GALNT18: variants seen among roughly 807,000 people sequenced by gnomAD.
GALNT18 encodes the protein GalNAc-transferase 18.
A neutral mutation model predicts 69.5 loss-of-function variants in GALNT18; 44 were observed. The ratio of observed to expected loss-of-function variants is 0.63; its 90% confidence interval spans 0.50 to 0.81. The LOEUF is 0.81. Ranked by LOEUF, GALNT18 falls within the 40% of genes least tolerant of loss-of-function variation. The pLI, the probability that GALNT18 is intolerant of heterozygous loss-of-function variation, is 0.00. For missense variants in GALNT18, 715 were observed against 810.0 expected, an observed-to-expected ratio of 0.88 and a Z score of 1.42; for synonymous variants, 364 against 318.2, an observed-to-expected ratio of 1.14 and a Z score of -1.53.
intron 3 of GALNT18, among the ~76,000 whole-genome samples, chr11:11,411,444 TC>T (rs1419086512): frequency 6.6e-6 from 1 of 152,174 alleles, no homozygotes; most frequent in Non-Finnish European, 1.5e-5. Context: ...TCTTTTAGGC[TC>T]CCACAGAATC....
In GALNT18 at chr11:11,592,846, G is replaced by A. The variant is rs558293439; in HGVS notation, c.235+28513C>T. 6.6e-6 allele frequency among the ~76,000 whole-genome samples: 1 copy of A among 152,242 alleles called. No individual in the cohort carries two copies. The highest frequency in any genetic ancestry group is 6.5e-5 in the Admixed American group (1 of 15,282). On this transcript the variant is annotated intron_variant, in intron 1 of 10. Transcript: ENST00000227756. This position sits in a 1 kb window ranked among gnomAD's most constrained non-coding sequence, Gnocchi z 5.9. ...TTAACCAAGTCATTTCCTTCTTAAGGCCTCTGGTTACCTTTCTTGTAGATA... is the reference window on the plus strand; with the variant it reads ...TTAACCAAGTCATTTCCTTCTTAAGACCTCTGGTTACCTTTCTTGTAGATA...
chr11:11,569,117 A>G lies in GALNT18; in HGVS notation c.235+52242T>C, dbSNP rs1858722550. On this transcript the variant is annotated intron_variant, in intron 1 of 10. Transcript: ENST00000227756. ...TAGTCAAGGATTTACTAACACCCAGAGGGCACCCAGTAGTGAATGACTGAC... is the reference window on the plus strand; with the variant it reads ...TAGTCAAGGATTTACTAACACCCAGGGGGCACCCAGTAGTGAATGACTGAC... Among the ~76,000 whole-genome samples, 3 of 152,122 alleles carry G rather than the reference A, an allele frequency of 2.0e-5. 1 individual carries two copies. In the South Asian group the frequency reaches 6.2e-4, roughly 32 times the overall value.
At chr11:11,325,047 C>T (rs556143395) in intron 9 of GALNT18, among the ~76,000 whole-genome samples, 23 of 152,286 alleles carry the variant, frequency 1.5e-4, no homozygotes, top group African/African-American at 5.5e-4. Flanking sequence ...GAAAAAGATG[C>T]ATGCACATGC....
intron 10 of GALNT18, among the ~76,000 whole-genome samples, chr11:11,291,641 TCA>T (rs1048474855): frequency 1.3e-5 from 2 of 151,916 alleles, no homozygotes; most frequent in South Asian, 4.1e-4. Flanking sequence ...GAGCTGGGAC[TCA>T]CAGAGCTGCC....
intron 1 of GALNT18, among the ~76,000 whole-genome samples, chr11:11,607,264 G>C (rs1460292777): frequency 6.6e-6 from 1 of 152,070 alleles, no homozygotes; most frequent in African/African-American, 2.4e-5. Flanking sequence ...GCTCCATTTT[G>C]GTAAATGAAA....
intron 1 of GALNT18, among the ~76,000 whole-genome samples, chr11:11,501,057 C>T (rs909840587): frequency 4.6e-5 from 7 of 152,226 alleles, no homozygotes; most frequent in African/African-American, 1.2e-4. Context: ...ACCTCTGAGA[C>T]GCCCTCTCGT....
At chr11:11,291,116 G>A (rs1169924631) in intron 10 of GALNT18, among the ~76,000 whole-genome samples, 2 of 152,164 alleles carry the variant, frequency 1.3e-5, no homozygotes, top group Non-Finnish European at 2.9e-5. Flanking sequence ...TGGCCCCTGA[G>A]CTGGAAATCT....
At chr11:11,355,333 C>A (rs564581948) in intron 6 of GALNT18, among the ~76,000 whole-genome samples, 1 of 152,260 alleles carries the variant, frequency 6.6e-6, no homozygotes, top group East Asian at 1.9e-4. Context: ...TGAATTGTCT[C>A]CCCCTTCCTC....
Position 11,293,135 on chromosome 11 carries a change from T to C in GALNT18, c.1571A>G (p.Asp524Gly). The change falls in exon 10 of 11, where the codon GAT (aspartate) becomes GGT (glycine). Residue 524 changes from aspartate (D) to glycine (G), a missense_variant. Coordinates refer to ENST00000227756, the MANE Select transcript of GALNT18 (RefSeq NM_198516.3). ...CACCAGGCATCGGTTGTCATCATCATCCACGGTGGGGCTCAGAATGCCCAC... is the reference window on the plus strand; with the variant it reads ...CACCAGGCATCGGTTGTCATCATCACCCACGGTGGGGCTCAGAATGCCCAC... ...IHVGILSPTV[D>G]DDDNRCLVDV... is the part of the protein sequence containing the mutation. The C allele has an allele frequency of 7.3e-7, 1 of 1,366,000 alleles. No individual in the cohort carries two copies. Among genetic ancestry groups the C allele is most frequent in the South Asian group, 2.1e-5 (1 of 46,838 alleles). The allele number at this position is 1,366,000 out of a possible 1,614,324, so 84.6% of individuals were successfully genotyped here. A position where few individuals can be genotyped will look rare whatever the true frequency, so the allele number is the denominator to read the frequency against.
At chr11:11,286,294 TCTC>T (rs1282647219) in intron 10 of GALNT18, among the ~76,000 whole-genome samples, 3 of 152,216 alleles carry the variant, frequency 2.0e-5, no homozygotes, top group East Asian at 1.9e-4. Flanking sequence ...TTTCCACCTC[TCTC>T]CTCCAAATCT....
At chr11:11,520,138 C>T (rs1055061683) in intron 1 of GALNT18, among the ~76,000 whole-genome samples, 1 of 152,252 alleles carries the variant, frequency 6.6e-6, no homozygotes, top group Non-Finnish European at 1.5e-5. Context: ...TTTTAACCAA[C>T]AAGCTTGTAG....
chr11:11,425,871 G>A (rs1443788354), intron 3 of GALNT18, among the ~76,000 whole-genome samples: 6 of 152,268 alleles, frequency 3.9e-5, no homozygotes, highest in Non-Finnish European at 8.8e-5. Context: ...GTCAAAGGCA[G>A]AGATGCCTCT....
rs997121965 is a variant in GALNT18 at position 11,341,615 on chromosome 11, T to G, written c.1093-611A>C. On this transcript the variant is annotated intron_variant, in intron 6 of 10. Coordinates refer to ENST00000227756, the MANE Select transcript of GALNT18 (RefSeq NM_198516.3). This position sits in a 1 kb window ranked among gnomAD's most constrained non-coding sequence, Gnocchi z 6.3. ...TTGGTGAATAGGAGATTGATCCGAA[T>G]GCAATTAGATTTTGAAAGATAAACC... 1.3e-5 allele frequency among the ~76,000 whole-genome samples: 2 copies of G among 152,228 alleles called. No individual in the cohort carries two copies. Among genetic ancestry groups the G allele is most frequent in the Non-Finnish European group, 2.9e-5 (2 of 68,046 alleles).
chr11:11,539,451 C>G (rs1277458215), intron 1 of GALNT18, among the ~76,000 whole-genome samples: 1 of 152,224 alleles, frequency 6.6e-6, no homozygotes, highest in East Asian at 1.9e-4. Context: ...TTCCAGAGAG[C>G]TGTCCTGAAC....
chr11:11,503,489 T>C (rs907822520), intron 1 of GALNT18, among the ~76,000 whole-genome samples: 3 of 152,186 alleles, frequency 2.0e-5, no homozygotes, highest in Non-Finnish European at 2.9e-5. Context: ...CTTGCAGGGA[T>C]GCTACAGCCT....
chr11:11,392,236 C>T (rs577364892), intron 3 of GALNT18, among the ~76,000 whole-genome samples: 6 of 152,270 alleles, frequency 3.9e-5, no homozygotes, highest in African/African-American at 9.6e-5. Flanking sequence ...GGATTCATGG[C>T]ACATGGGACA....
rs994561216 is a variant in GALNT18 at position 11,309,305 on chromosome 11, C to T, written c.1513-16112G>A. On this transcript the variant is annotated intron_variant, in intron 9 of 10. Coordinates refer to ENST00000227756, the MANE Select transcript of GALNT18 (RefSeq NM_198516.3). The surrounding 1 kb of genome is among the most constrained non-coding windows in gnomAD (Gnocchi z 4.6). ...TTCTCTTCATTATAAATTTCTCAGC[C>T]TCAGGTTATAGCAACACAAAATGAC... Among the ~76,000 whole-genome samples the T allele has an allele frequency of 1.3e-5, 2 of 152,124 alleles. No individual in the cohort carries two copies. The highest frequency in any genetic ancestry group is 4.8e-5 in the African/African-American group (2 of 41,416).
rs865863344 is a variant in GALNT18, at chr11:11,339,652, G to A, written c.1278+1167C>T. Among the ~76,000 whole-genome samples the A allele has an allele frequency of 6.6e-5, 10 of 152,132 alleles. No homozygotes were observed. The highest frequency in any genetic ancestry group is 1.9e-4 in the East Asian group (1 of 5,190). ...CTCTTACTGTCAGGAATGCAATCCC[G>A]GGCTGGTACATTAGAGTTGGCTGCA... On this transcript the variant is annotated intron_variant, in intron 7 of 10. Transcript: ENST00000227756. The surrounding 1 kb of genome is among the most constrained non-coding windows in gnomAD (Gnocchi z 5.2).
At chr11:11,548,480 G>A (rs1442495913) in intron 1 of GALNT18, among the ~76,000 whole-genome samples, 1 of 152,180 alleles carries the variant, frequency 6.6e-6, no homozygotes, top group Non-Finnish European at 1.5e-5. Context: ...TCTGACCCCT[G>A]CCACTGTGCT....
Sources: gnomAD v4.1 joint callset for allele counts (sites outside exome capture counted in the v4.1 genomes callset) on GRCh38, gnomAD v4.1.1 for gene constraint, Gnocchi (gnomAD v3.1) non-coding constraint, MANE v1.5 for transcripts, NCBI Gene and HGNC (gene_info 2026-07-23, HGNC 2026-07-21) for gene names.